Variants in RBM47 observed in about 807,000 individuals in gnomAD.
The protein encoded by RBM47 is RNA-binding protein 47.
A neutral mutation model predicts 47.1 loss-of-function variants in RBM47; 21 were observed. That is an observed-to-expected ratio of 0.45 (90% CI 0.32 to 0.64). The LOEUF (loss-of-function observed/expected upper bound fraction) is 0.64. Among genes scored for constraint, RBM47 ranks in the 30% least tolerant of loss-of-function variants. The pLI is 0.05. For synonymous variants in RBM47, 375 were observed against 361.7 expected, an observed-to-expected ratio of 1.04 and a Z score of -0.42; for missense variants, 708 against 870.9, an observed-to-expected ratio of 0.81 and a Z score of 2.35.
chr4:40,494,639 C>CCATA lies in RBM47; in HGVS notation c.-154-27944_-154-27941dup, dbSNP rs370496668. On this transcript the variant is annotated intron_variant, in intron 2 of 6. Coordinates refer to ENST00000295971, the MANE Select transcript of RBM47 (RefSeq NM_001098634.2). ...TGAGACGAGGGCTCTCAGGTGTAGC[C>CCATA]CATATGTGCTTTCTCCTGTGCACTC... Among the ~76,000 whole-genome samples the CCATA allele has an allele frequency of 2.8e-3, 433 of 152,126 alleles. 6 individuals are homozygous for CCATA. Among genetic ancestry groups the CCATA allele is most frequent in the Non-Finnish European group, 1.6e-3 (109 of 67,990 alleles).
intron 2 of RBM47, among the ~76,000 whole-genome samples, chr4:40,503,791 A>G (rs1387634678): frequency 6.6e-6 from 1 of 152,164 alleles, no homozygotes; most frequent in Non-Finnish European, 1.5e-5. Flanking sequence ...ACATATATAC[A>G]TACATACACA....
At chr4:40,501,610 A>G (rs894343141) in intron 2 of RBM47, among the ~76,000 whole-genome samples, 1 of 152,246 alleles carries the variant, frequency 6.6e-6, no homozygotes, top group African/African-American at 2.4e-5. Context: ...AAATAACTGC[A>G]CTGCATGCAG....
chr4:40,558,524 C>A (rs1000690976), intron 1 of RBM47, among the ~76,000 whole-genome samples: 1,287 of 91,624 alleles, frequency 0.014, no homozygotes, highest in Non-Finnish European at 0.018. Flanking sequence ...ATTAAAACTA[C>A]AAAAAAAAAA....
intron 2 of RBM47, among the ~76,000 whole-genome samples, chr4:40,488,369 T>G (rs1363470314): frequency 5.3e-5 from 8 of 150,496 alleles, no homozygotes; most frequent in Non-Finnish European, 1.2e-4. Context: ...GGGGAGAACT[T>G]GAGACGCTAT....
rs536422776 is a variant in RBM47 at position 40,484,069 on chromosome 4, G to C, written c.-154-17370C>G. On this transcript the variant is annotated intron_variant, in intron 2 of 6. Coordinates refer to ENST00000295971, the MANE Select transcript of RBM47 (RefSeq NM_001098634.2). ...AAATTACATTTATGAAGAATTTAAT[G>C]TCATGAGTAAAGGTTCACAATATGT... Among the ~76,000 whole-genome samples, 3 of 152,288 alleles carry C rather than the reference G, an allele frequency of 2.0e-5. No individual in the cohort carries two copies. The South Asian group carries it at 6.2e-4, about 32-fold the overall frequency.
At chr4:40,602,921 C>T (rs1418181042) in intron 1 of RBM47, among the ~76,000 whole-genome samples, 1 of 151,964 alleles carries the variant, frequency 6.6e-6, no homozygotes, top group African/African-American at 2.4e-5. Flanking sequence ...GTGTGATGGT[C>T]CACCATGCCT....
chr4:40,577,885 C>T (rs768710364), intron 1 of RBM47, among the ~76,000 whole-genome samples: 4 of 152,084 alleles, frequency 2.6e-5, no homozygotes, highest in Admixed American at 6.6e-5. Flanking sequence ...GTGGTGCGTG[C>T]GTGTAGTCCC....
chr4:40,462,227 T>C (rs1026534350), intron 3 of RBM47, among the ~76,000 whole-genome samples: 1 of 152,220 alleles, frequency 6.6e-6, no homozygotes, highest in Non-Finnish European at 1.5e-5. Context: ...TCACATTTTG[T>C]TAAGTACAGC....
chr4:40,439,578 A>C (rs1441333608), intron 3 of RBM47, among the ~76,000 whole-genome samples: 2 of 152,306 alleles, frequency 1.3e-5, no homozygotes, highest in East Asian at 1.9e-4. Context: ...TGAAGCATTC[A>C]AAGATTTGGA....
intron 2 of RBM47, among the ~76,000 whole-genome samples, chr4:40,526,365 C>A (rs1726708523): frequency 6.6e-6 from 1 of 151,828 alleles, no homozygotes; most frequent in African/African-American, 2.4e-5. Context: ...GAGTTTAATT[C>A]CATGGTGTTT....
At chr4:40,557,671 C>G (rs770998961) in intron 1 of RBM47, among the ~76,000 whole-genome samples, 4 of 152,132 alleles carry the variant, frequency 2.6e-5, no homozygotes, top group Admixed American at 6.5e-5. Flanking sequence ...ATCGCTTGAA[C>G]CCAGGAGGCG....
At position 40,438,530 on chromosome 4, in the gene RBM47, G is replaced by A. The variant is rs1713087842; in HGVS notation, c.364C>T (p.His122Tyr). The change falls in exon 4 of 7, where the codon CAC (histidine) becomes TAC (tyrosine). Residue 122 changes from histidine (H) to tyrosine (Y), a missense_variant. By Grantham distance (83) the His-to-Tyr change is moderately conservative (BLOSUM62 2). Transcript: ENST00000295971. ...GYAFVMYCHK[H>Y]EAKRAVRELN... is the part of the protein sequence containing the mutation. ...TCACGCACTGCGCGCTTGGCCTCGT[G>A]CTTGTGGCAGTACATGACGAAGGCG... is the stretch of plus-strand genomic sequence containing the variant. 1.2e-6 allele frequency: 2 copies of A among 1,613,772 alleles called. No individual in the cohort carries two copies. The highest frequency in any genetic ancestry group is 3.3e-5 in the Admixed American group (2 of 60,012).
intron 3 of RBM47, 122 bp downstream of exon 3, chr4:40,466,455 G>A (rs935554614): frequency 2.6e-5 from 4 of 152,026 alleles, no homozygotes; most frequent in African/African-American, 7.2e-5. Flanking sequence ...TTCCACTAAC[G>A]TTGCCACATG....
intron 3 of RBM47, among the ~76,000 whole-genome samples, chr4:40,451,710 TAA>T (rs1421040829): frequency 3.9e-5 from 6 of 152,230 alleles, no homozygotes; most frequent in African/African-American, 1.4e-4. Context: ...AATGATGTGG[TAA>T]AATAAATGAT....
intron 2 of RBM47, among the ~76,000 whole-genome samples, chr4:40,540,653 ATAATAAT>A (rs368542963): frequency 0.12 from 10,948 of 89,238 alleles, 865 homozygotes; most frequent in African/African-American, 0.29. Context: ...AAAAAAAAAA[ATAATAAT>A]AATAATAATA....
At chr4:40,508,393 A>G (rs538138955) in intron 2 of RBM47, among the ~76,000 whole-genome samples, 5 of 152,214 alleles carry the variant, frequency 3.3e-5, no homozygotes, top group Non-Finnish European at 7.3e-5. Flanking sequence ...TCCCACCTTA[A>G]GATATCACTT....
intron 2 of RBM47, among the ~76,000 whole-genome samples, chr4:40,517,595 G>A (rs778938957): frequency 6.6e-6 from 1 of 152,142 alleles, no homozygotes; most frequent in Non-Finnish European, 1.5e-5. Flanking sequence ...TATATTCTAC[G>A]TACAGTCAGC....
chr4:40,504,069 G>A (rs542765855), intron 2 of RBM47, among the ~76,000 whole-genome samples: 2 of 152,150 alleles, frequency 1.3e-5, no homozygotes, highest in Non-Finnish European at 2.9e-5. Flanking sequence ...TTATGGGTGG[G>A]AATTAGAGTG....
At chr4:40,553,998 G>T (rs1354717298) in intron 1 of RBM47, among the ~76,000 whole-genome samples, 1 of 152,126 alleles carries the variant, frequency 6.6e-6, no homozygotes, top group African/African-American at 2.4e-5. Flanking sequence ...AGGTTACCTG[G>T]TTTCTCCAAG....
Sources: gnomAD v4.1 joint callset for allele counts (sites outside exome capture counted in the v4.1 genomes callset) on GRCh38, gnomAD v4.1.1 for gene constraint, MANE v1.5 for transcripts, NCBI Gene and HGNC (gene_info 2026-07-23, HGNC 2026-07-21) for gene names.